ANKS1B: variants seen among roughly 807,000 people sequenced by gnomAD.
ANKS1B encodes ankyrin repeat and sterile alpha motif domain-containing protein 1B.
Under a neutral mutation model 148.3 loss-of-function variants are expected in ANKS1B, and 36 were observed. That is an observed-to-expected ratio of 0.24 (90% confidence interval 0.19 to 0.32). The LOEUF is 0.32. Ranked by LOEUF, ANKS1B falls within the 10% of genes least tolerant of loss-of-function variation. The pLI is 1.00. For synonymous variants in ANKS1B, 542 were observed against 560.8 expected (o/e 0.97, Z 0.47); for missense variants, 1,157 against 1,542.6 (o/e 0.75, Z 4.19).
Position 98,875,852 on chromosome 12 carries a change from G to A in ANKS1B, c.2779-43716C>T, listed in dbSNP as rs187444392. Among the ~76,000 whole-genome samples the A allele has an allele frequency of 1.9e-3, 283 of 152,266 alleles. 1 individual carries two copies. The highest frequency in any genetic ancestry group is 6.4e-3 in the African/African-American group (266 of 41,564). ...GTGGAGGCAGAAATAACCTCTAAAA[G>A]GACTACAGTGATGACACAACTGACA... On this transcript the variant is annotated intron_variant, in intron 17 of 26. Transcript: ENST00000683438.
At chr12:98,945,539 G>C (rs112287743) in intron 17 of ANKS1B, among the ~76,000 whole-genome samples, 2,813 of 130,456 alleles carry the variant, frequency 0.022, 48 homozygotes, top group Non-Finnish European at 0.028. Context: ...AAAAAAGGGA[G>C]AGAGAGAGAG....
At chr12:98,836,828 T>C (rs1436802214) in intron 17 of ANKS1B, among the ~76,000 whole-genome samples, 2 of 152,196 alleles carry the variant, frequency 1.3e-5, no homozygotes, top group Non-Finnish European at 2.9e-5. Flanking sequence ...TATTCTAAGA[T>C]GTTGAAGCAA....
chr12:99,415,937 C>A (rs2094891038), intron 11 of ANKS1B, among the ~76,000 whole-genome samples: 1 of 152,054 alleles, frequency 6.6e-6, no homozygotes, highest in South Asian at 2.1e-4. Context: ...CCCACCTTGG[C>A]CTCCTAAAGT....
chr12:99,081,894 C>G (rs2049913932), intron 16 of ANKS1B, among the ~76,000 whole-genome samples: 2 of 152,132 alleles, frequency 1.3e-5, no homozygotes, highest in African/African-American at 4.8e-5. Flanking sequence ...CTCACTCATT[C>G]ATTCTTAAAA....
At chr12:99,187,926 G>A (rs2080092243) in intron 14 of ANKS1B, among the ~76,000 whole-genome samples, 1 of 152,066 alleles carries the variant, frequency 6.6e-6, no homozygotes, top group Non-Finnish European at 1.5e-5. Flanking sequence ...AGACCCATTG[G>A]TGTGCTGTAT....
chr12:99,840,028 A>G (rs1022743532), intron 1 of ANKS1B, among the ~76,000 whole-genome samples: 2 of 152,162 alleles, frequency 1.3e-5, no homozygotes, highest in African/African-American at 4.8e-5. Context: ...ACAACACAGC[A>G]GTTGGAGAAG....
chr12:98,781,112 C>T lies in ANKS1B; in HGVS notation c.3441+5G>A. The T allele has an allele frequency of 6.5e-7, 1 of 1,539,776 alleles. No homozygotes were observed. Among genetic ancestry groups the T allele is most frequent in the Non-Finnish European group, 8.8e-7 (1 of 1,130,784 alleles). ...GTCTAAACCAGAGAGAGGAGTGGTACTTACCTTATTTGTTGCATCAATAAA... is the reference window on the plus strand; with the variant it reads ...GTCTAAACCAGAGAGAGGAGTGGTATTTACCTTATTTGTTGCATCAATAAA... On this transcript the variant is annotated splice_donor_5th_base_variant and intron_variant, in intron 24 of 26. Coordinates refer to ENST00000683438, the MANE Select transcript of ANKS1B (RefSeq NM_001352186.2).
chr12:99,704,351 C>A (rs897268308), intron 8 of ANKS1B, among the ~76,000 whole-genome samples: 1 of 151,960 alleles, frequency 6.6e-6, no homozygotes, highest in African/African-American at 2.4e-5. Context: ...AACAAGCATA[C>A]TATTTGGCTT....
chr12:98,921,561 A>G (rs2099801486), intron 17 of ANKS1B, among the ~76,000 whole-genome samples: 1 of 152,172 alleles, frequency 6.6e-6, no homozygotes, highest in Admixed American at 6.5e-5. Flanking sequence ...TTTAAAGAAA[A>G]TATGTGACCC....
chr12:99,935,362 A>AG (rs994888492), intron 1 of ANKS1B, among the ~76,000 whole-genome samples: 25 of 151,838 alleles, frequency 1.6e-4, no homozygotes, highest in African/African-American at 6.0e-4. Flanking sequence ...CCTGACAAAA[A>AG]AAAAAAAAAA....
At chr12:99,298,338 G>A (rs1056536534) in intron 12 of ANKS1B, among the ~76,000 whole-genome samples, 1 of 152,150 alleles carries the variant, frequency 6.6e-6, no homozygotes, top group Non-Finnish European at 1.5e-5. Flanking sequence ...CCCCCATACT[G>A]TTCTCATAGT....
rs188284245 is a variant in ANKS1B, at chr12:99,938,978, C to T, written c.134+45126G>A. Among the ~76,000 whole-genome samples the T allele has an allele frequency of 8.3e-4, 126 of 152,244 alleles. No individual in the cohort carries two copies. The Middle Eastern group carries it at 0.017, about 21-fold the overall frequency. ...AATCCAAAAAAGTAAAAATATATGC[C>T]TCCTATTTTCTTTCAGATATAATAA... is the stretch of plus-strand genomic sequence containing the variant. On this transcript the variant is annotated intron_variant, in intron 1 of 26. Coordinates refer to ENST00000683438, the MANE Select transcript of ANKS1B (RefSeq NM_001352186.2).
intron 2 of ANKS1B, among the ~76,000 whole-genome samples, chr12:99,823,316 CTATT>C (rs199623908): frequency 3.9e-5 from 6 of 151,946 alleles, no homozygotes; most frequent in Admixed American, 2.6e-4. Context: ...TCAATTTTAT[CTATT>C]TATTTATTTA....
At chr12:98,814,504 C>A (rs1259319436) in intron 19 of ANKS1B, among the ~76,000 whole-genome samples, 1 of 152,190 alleles carries the variant, frequency 6.6e-6, no homozygotes, top group African/African-American at 2.4e-5. Flanking sequence ...GTTAATTGTA[C>A]CAGAAACTGC....
intron 9 of ANKS1B, among the ~76,000 whole-genome samples, chr12:99,563,042 C>CT (rs1283115802): frequency 6.6e-6 from 1 of 152,330 alleles, no homozygotes; most frequent in Admixed American, 6.5e-5. Context: ...CTTCACCTTT[C>CT]TCAGCCTTCA....
chr12:99,346,812 C>T (rs917574593), intron 12 of ANKS1B, among the ~76,000 whole-genome samples: 1 of 151,954 alleles, frequency 6.6e-6, no homozygotes, highest in Non-Finnish European at 1.5e-5. Flanking sequence ...CTCTCTTCCT[C>T]CTGCTCTGGC....
At position 99,060,756 on chromosome 12, in the gene ANKS1B, C is replaced by A. The variant is rs548274358; in HGVS notation, c.2626-7447G>T. Among the ~76,000 whole-genome samples, 188 of 149,306 alleles carry A rather than the reference C, an allele frequency of 1.3e-3. 1 individual carries two copies. Among genetic ancestry groups the A allele is most frequent in the African/African-American group, 4.3e-3 (174 of 40,468 alleles). Reference sequence around the variant, plus strand: ...CATCATTCTTTCTCTTTGCCTGAAGCCAGCATTTTCTGTGCAGATAAGGAT... The same window carrying A: ...CATCATTCTTTCTCTTTGCCTGAAGACAGCATTTTCTGTGCAGATAAGGAT... On this transcript the variant is annotated intron_variant, in intron 16 of 26. Transcript: ENST00000683438.
At chr12:98,862,456 AAC>A (rs1567268408) in intron 17 of ANKS1B, among the ~76,000 whole-genome samples, 1 of 152,102 alleles carries the variant, frequency 6.6e-6, no homozygotes, top group Non-Finnish European at 1.5e-5. Context: ...CAATGTAGCT[AAC>A]AGTTATTATT....
At chr12:98,871,403 T>C (rs2099668249) in intron 17 of ANKS1B, among the ~76,000 whole-genome samples, 2 of 152,132 alleles carry the variant, frequency 1.3e-5, no homozygotes, top group African/African-American at 2.4e-5. Flanking sequence ...GTACAAAATA[T>C]GAAATAAGCT....
Sources: allele counts gnomAD v4.1 joint callset (sites outside exome capture counted in the v4.1 genomes callset), GRCh38; gene constraint gnomAD v4.1.1; transcripts MANE v1.5; gene names NCBI Gene and HGNC (gene_info 2026-07-23, HGNC 2026-07-21).